The following BMP7 variants were observed in gnomAD, a reference collection of about 807,000 sequenced individuals.
BMP7 encodes the protein osteogenic protein 1.
A neutral mutation model predicts 41.2 loss-of-function variants in BMP7; 12 were observed. The observed-to-expected ratio is 0.29, with a 90% CI of 0.19 to 0.47. The LOEUF (loss-of-function observed/expected upper bound fraction) is 0.47. BMP7 is among the 20% of genes least tolerant of loss of function. The pLI is 0.99. For synonymous variants in BMP7, 248 were observed against 250.0 expected, an observed-to-expected ratio of 0.99 and a Z score of 0.07; for missense variants, 467 against 606.0, an observed-to-expected ratio of 0.77 and a Z score of 2.41.
chr20:57,256,188 C>T (rs1358634974), intron 1 of BMP7, among the ~76,000 whole-genome samples: 1 of 152,176 alleles, frequency 6.6e-6, no homozygotes, highest in Non-Finnish European at 1.5e-5. Context: ...CACTGGGAGT[C>T]AGGAAAAGAT....
Position 57,202,039 on chromosome 20 carries a change from G to A in BMP7, c.760+436C>T, listed in dbSNP as rs992596001. Among the ~76,000 whole-genome samples the A allele has an allele frequency of 3.3e-5, 5 of 152,346 alleles. No homozygotes were observed. The East Asian group carries it at 9.6e-4, about 29-fold the overall frequency. On this transcript the variant is annotated intron_variant, in intron 3 of 6. Transcript: ENST00000395863. ...TTTTTCGGTGTCACAACTGGGAGATGCTACTAGCATCTAGTGAGTAAGAGA... is the reference window on the plus strand; with the variant it reads ...TTTTTCGGTGTCACAACTGGGAGATACTACTAGCATCTAGTGAGTAAGAGA...
chr20:57,223,233 A>AAAG (rs112742238), intron 2 of BMP7, among the ~76,000 whole-genome samples: 95,551 of 148,226 alleles, frequency 0.64, 31,535 homozygotes, highest in African/African-American at 0.8. Context: ...CCATCTCAAA[A>AAAG]AAAAAAAAAA....
chr20:57,233,152 G>A (rs1437901294), intron 1 of BMP7, among the ~76,000 whole-genome samples: 1 of 152,062 alleles, frequency 6.6e-6, no homozygotes, highest in Non-Finnish European at 1.5e-5. Flanking sequence ...TAAACTAAAT[G>A]TCTAGAGTTG....
chr20:57,227,646 A>AG (rs1299842758), intron 2 of BMP7, among the ~76,000 whole-genome samples: 14 of 152,298 alleles, frequency 9.2e-5, no homozygotes, highest in Middle Eastern at 3.4e-3. Context: ...GACTGTCTGA[A>AG]TAGAATGCAC....
At position 57,228,842 on chromosome 20, in the gene BMP7, C is replaced by G. The variant is rs766656641; in HGVS notation, c.419-421G>C. Among the ~76,000 whole-genome samples the G allele has an allele frequency of 6.6e-6, 1 of 152,188 alleles. No individual in the cohort carries two copies. The highest frequency in any genetic ancestry group is 1.5e-5 in the Non-Finnish European group (1 of 68,030). ...TCATCTAAAAAATGGGGATTGTAAT[C>G]CTCCTTCATGGGTTATGGTCAGGGT... is the stretch of plus-strand genomic sequence containing the variant. On this transcript the variant is annotated intron_variant, in intron 1 of 6. Coordinates refer to ENST00000395863, the MANE Select transcript of BMP7 (RefSeq NM_001719.3). This position sits in a 1 kb window ranked among gnomAD's most constrained non-coding sequence, Gnocchi z 4.5.
Position 57,224,949 on chromosome 20 carries a change from G to A in BMP7, c.611+3280C>T, listed in dbSNP as rs1222637586. The A allele has an allele frequency of 6.6e-6, 1 of 152,338 alleles. No individual in the cohort carries two copies. The highest frequency in any genetic ancestry group is 1.5e-5 in the Non-Finnish European group (1 of 68,096). The allele number at this position is 152,338 out of a possible 1,614,324, so 9.4% of individuals were successfully genotyped here. A position where few individuals can be genotyped will look rare whatever the true frequency, so the allele number is the denominator to read the frequency against. On this transcript the variant is annotated intron_variant, in intron 2 of 6. Transcript: ENST00000395863. This position sits in a 1 kb window ranked among gnomAD's most constrained non-coding sequence, Gnocchi z 4.8. ...GGAAAGTGACTCCCACAAGGGGAGA[G>A]ACGCTGAGGCTGACCCAAAGCCGGC... is the stretch of plus-strand genomic sequence containing the variant.
In BMP7 at chr20:57,174,162, C is replaced by T. The variant is rs1983871273; in HGVS notation, c.1035+769G>A. Among the ~76,000 whole-genome samples, 1 of 152,068 alleles carries T rather than the reference C, an allele frequency of 6.6e-6. No homozygotes were observed. The highest frequency in any genetic ancestry group is 1.9e-4 in the East Asian group (1 of 5,176). On this transcript the variant is annotated intron_variant, in intron 5 of 6. Transcript: ENST00000395863. This position sits in a 1 kb window ranked among gnomAD's most constrained non-coding sequence, Gnocchi z 4.3. ...ATCCCCAGGGAAGATTCTGGACTCTCCCACTGAACTACAAGCTCCCTGAGG... is the reference window on the plus strand; with the variant it reads ...ATCCCCAGGGAAGATTCTGGACTCTTCCACTGAACTACAAGCTCCCTGAGG...
chr20:57,234,622 G>A (rs923690430), intron 1 of BMP7, among the ~76,000 whole-genome samples: 4 of 145,288 alleles, frequency 2.8e-5, no homozygotes, highest in African/African-American at 1.1e-4. Context: ...TACACACCCA[G>A]AAGTGGAAAT....
chr20:57,197,216 T>G lies in BMP7; in HGVS notation c.760+5259A>C, dbSNP rs575513888. ...CACCCGGCCCTAATTTTTTTTTTTT[T>G]TGTAATGGAGGGAGGAGCCCATAGA... On this transcript the variant is annotated intron_variant, in intron 3 of 6. Coordinates refer to ENST00000395863, the MANE Select transcript of BMP7 (RefSeq NM_001719.3). Among the ~76,000 whole-genome samples, 6 of 152,162 alleles carry G rather than the reference T, an allele frequency of 3.9e-5. No individual in the cohort carries two copies. The South Asian group carries it at 1.2e-3, about 32-fold the overall frequency.
chr20:57,259,287 G>A lies in BMP7; in HGVS notation c.418+6418C>T, dbSNP rs964387892. On this transcript the variant is annotated intron_variant, in intron 1 of 6. Transcript: ENST00000395863. This position sits in a 1 kb window ranked among gnomAD's most constrained non-coding sequence, Gnocchi z 4.7. ...TGGCCAGGCAGCCCCAAGCATCAGC[G>A]AGGGCTGGAAGCCTTCACTGTGAAG... 6.6e-6 allele frequency among the ~76,000 whole-genome samples: 1 copy of A among 152,112 alleles called. No homozygotes were observed. Among genetic ancestry groups the A allele is most frequent in the South Asian group, 2.1e-4 (1 of 4,822 alleles).
chr20:57,170,709 T>C lies in BMP7; in HGVS notation c.*250A>G. ...GACCTGGCCCGGCCATTTTTCTTTATGCGTTGTTTTTTTTTCCTGCTAGGT... is the reference window on the plus strand; with the variant it reads ...GACCTGGCCCGGCCATTTTTCTTTACGCGTTGTTTTTTTTTCCTGCTAGGT... On this transcript the variant is annotated 3_prime_UTR_variant, in exon 7 of 7. Coordinates refer to ENST00000395863, the MANE Select transcript of BMP7 (RefSeq NM_001719.3). 1 of 477,970 alleles carries C rather than the reference T, an allele frequency of 2.1e-6. No individual in the cohort carries two copies. The highest frequency in any genetic ancestry group is 3.3e-5 in the Admixed American group (1 of 30,060). 29.6% of individuals were successfully genotyped at this position (477,970 alleles called of 1,614,324 possible). A position where few individuals can be genotyped will look rare whatever the true frequency, so the allele number is the denominator to read the frequency against.
In BMP7 at chr20:57,169,746, C is replaced by T. The variant is rs1165119046; in HGVS notation, c.*1213G>A. ...CACCCCACTCCCGTGGAGAACTAGGCTTCATTGGTGCTGTTTTTTTTTTCT... is the reference window on the plus strand; with the variant it reads ...CACCCCACTCCCGTGGAGAACTAGGTTTCATTGGTGCTGTTTTTTTTTTCT... On this transcript the variant is annotated 3_prime_UTR_variant, in exon 7 of 7. Transcript: ENST00000395863. The T allele has an allele frequency of 1.3e-5, 2 of 151,974 alleles. No homozygotes were observed. Among genetic ancestry groups the T allele is most frequent in the East Asian group, 3.9e-4 (2 of 5,176 alleles). 9.4% of individuals were successfully genotyped at this position (151,974 alleles called of 1,614,324 possible). A position where few individuals can be genotyped will look rare whatever the true frequency, so the allele number is the denominator to read the frequency against.
chr20:57,255,095 A>G (rs6025468), intron 1 of BMP7, among the ~76,000 whole-genome samples: 32,931 of 152,040 alleles, frequency 0.22, 3,807 homozygotes, highest in African/African-American at 0.29. Context: ...ACGGGACCAC[A>G]GAGTCAAGGC....
chr20:57,209,249 T>TATA (rs1555814048), intron 2 of BMP7, among the ~76,000 whole-genome samples: 1,927 of 94,800 alleles, frequency 0.02, 71 homozygotes, highest in South Asian at 0.027. Context: ...TTATATATTT[T>TATA]TATATATATA....
intron 1 of BMP7, among the ~76,000 whole-genome samples, chr20:57,257,745 T>G (rs1349575843): frequency 6.9e-6 from 1 of 144,200 alleles, no homozygotes; most frequent in Non-Finnish European, 1.5e-5. Flanking sequence ...TCTGCAAGGC[T>G]GTGCATGGGC....
At chr20:57,243,194 T>C (rs1315522033) in intron 1 of BMP7, among the ~76,000 whole-genome samples, 1 of 151,704 alleles carries the variant, frequency 6.6e-6, no homozygotes, top group Non-Finnish European at 1.5e-5. Context: ...AGAAAGTTTT[T>C]CTTTAAAACT....
At chr20:57,256,343 C>T (rs1278275383) in intron 1 of BMP7, among the ~76,000 whole-genome samples, 2 of 152,236 alleles carry the variant, frequency 1.3e-5, no homozygotes, top group East Asian at 3.9e-4. Context: ...TTACTTCCCA[C>T]ATTTCTGTCT....
At chr20:57,198,640 C>G (rs536824243) in intron 3 of BMP7, among the ~76,000 whole-genome samples, 4 of 152,290 alleles carry the variant, frequency 2.6e-5, no homozygotes, top group African/African-American at 9.6e-5. Flanking sequence ...AAAAGACGCA[C>G]GCTTCCTGGG....
At chr20:57,233,440 A>G (rs1408630920) in intron 1 of BMP7, among the ~76,000 whole-genome samples, 1 of 152,350 alleles carries the variant, frequency 6.6e-6, no homozygotes, top group Non-Finnish European at 1.5e-5. Context: ...TCCTTTTACA[A>G]AAACCCGAAA....
Sources: allele counts gnomAD v4.1 joint callset (sites outside exome capture counted in the v4.1 genomes callset), GRCh38; gene constraint gnomAD v4.1.1; non-coding constraint Gnocchi (gnomAD v3.1); transcripts MANE v1.5; gene names NCBI Gene and HGNC (gene_info 2026-07-23, HGNC 2026-07-21).